Variants in NEK11 observed in about 807,000 individuals in gnomAD.
NEK11 encodes the protein NIMA related kinase 11.
NEK11 carries 72 observed loss-of-function variants against 80.7 expected under a neutral mutation model. The observed-to-expected ratio is 0.89, with a 90% CI of 0.74 to 1.08. NEK11 has a LOEUF of 1.08. Ranked by LOEUF, NEK11 falls within the 50% of genes least tolerant of loss-of-function variation. The pLI, the probability that NEK11 is intolerant of heterozygous loss-of-function variation, is 0.00. For synonymous variants in NEK11, 251 were observed against 260.7 expected, an observed-to-expected ratio of 0.96 and a Z score of 0.36; for missense variants, 764 against 763.6, an observed-to-expected ratio of 1.00 and a Z score of -0.01.
chr3:131,341,031 T>C (rs972543533), intron 17 of NEK11, among the ~76,000 whole-genome samples: 11 of 152,114 alleles, frequency 7.2e-5, no homozygotes, highest in African/African-American at 2.7e-4. Context: ...AAAGGAAACA[T>C]AGGAACTCTT....
intron 4 of NEK11, among the ~76,000 whole-genome samples, chr3:131,089,204 C>T (rs771462774): frequency 2.5e-4 from 38 of 152,154 alleles, no homozygotes; most frequent in Non-Finnish European, 3.5e-4. Flanking sequence ...CCTAGAGTCA[C>T]GAAGGATGCT....
intron 10 of NEK11, among the ~76,000 whole-genome samples, chr3:131,161,437 G>T (rs1197871948): frequency 6.6e-6 from 1 of 152,016 alleles, no homozygotes; most frequent in African/African-American, 2.4e-5. Flanking sequence ...CAACCTAAAT[G>T]CCCATCCATG....
intron 17 of NEK11, among the ~76,000 whole-genome samples, chr3:131,282,307 G>C (rs1307153626): frequency 2.0e-5 from 3 of 149,802 alleles, no homozygotes; most frequent in Non-Finnish European, 2.9e-5. Context: ...GATCAGTGTA[G>C]TGACATGCAC....
intron 17 of NEK11, among the ~76,000 whole-genome samples, chr3:131,336,500 G>A (rs1390094875): frequency 6.6e-6 from 1 of 152,086 alleles, no homozygotes; most frequent in Admixed American, 6.6e-5. Context: ...CATTAGACCT[G>A]AAACCATAAA....
chr3:131,097,015 T>G (rs1263729883), intron 4 of NEK11, among the ~76,000 whole-genome samples: 2 of 151,770 alleles, frequency 1.3e-5, no homozygotes, highest in Non-Finnish European at 2.9e-5. Context: ...GATAGTTTAC[T>G]GAGAAGATGG....
At chr3:131,343,882 G>A (rs891364641) in intron 17 of NEK11, among the ~76,000 whole-genome samples, 18 of 152,154 alleles carry the variant, frequency 1.2e-4, no homozygotes, top group African/African-American at 4.1e-4. Flanking sequence ...GTCATGGGAG[G>A]GGCTGCCATG....
At chr3:131,278,212 T>G (rs1408132453) in intron 17 of NEK11, among the ~76,000 whole-genome samples, 1 of 152,238 alleles carries the variant, frequency 6.6e-6, no homozygotes, top group Admixed American at 6.5e-5. Flanking sequence ...TTCTCACTCT[T>G]GCAGGGAGAC....
chr3:131,335,341 C>A (rs1281735549), intron 17 of NEK11, among the ~76,000 whole-genome samples: 1 of 152,166 alleles, frequency 6.6e-6, no homozygotes, highest in African/African-American at 2.4e-5. Flanking sequence ...TGTAATCCAG[C>A]ATATAAATGG....
intron 14 of NEK11, among the ~76,000 whole-genome samples, chr3:131,201,082 T>A (rs907282620): frequency 2.0e-5 from 3 of 151,984 alleles, no homozygotes; most frequent in Non-Finnish European, 4.4e-5. Context: ...CTTGTAGACA[T>A]GATATAACTA....
At chr3:131,198,882 C>T (rs1040204859) in intron 14 of NEK11, among the ~76,000 whole-genome samples, 9 of 152,244 alleles carry the variant, frequency 5.9e-5, no homozygotes, top group Middle Eastern at 6.8e-3. Flanking sequence ...CTGGCTATTT[C>T]GCCGTACCTG....
At chr3:131,348,573 A>G (rs536522544) in intron 17 of NEK11, among the ~76,000 whole-genome samples, 1 of 152,050 alleles carries the variant, frequency 6.6e-6, no homozygotes, top group African/African-American at 2.4e-5. Context: ...AAAACATGGT[A>G]TTGAAAAACA....
chr3:131,100,658 G>A (rs911812496), intron 4 of NEK11, among the ~76,000 whole-genome samples: 1 of 152,086 alleles, frequency 6.6e-6, no homozygotes, highest in African/African-American at 2.4e-5. Context: ...TTTTATTGAG[G>A]ATTTTTGCAT....
At chr3:131,341,643 C>G (rs2097288306) in intron 17 of NEK11, among the ~76,000 whole-genome samples, 1 of 152,150 alleles carries the variant, frequency 6.6e-6, no homozygotes, top group Non-Finnish European at 1.5e-5. Context: ...GACAGTTTCT[C>G]TTTGTAGTCC....
intron 5 of NEK11, among the ~76,000 whole-genome samples, chr3:131,116,407 G>C (rs2081241151): frequency 6.6e-6 from 1 of 152,124 alleles, no homozygotes; most frequent in Admixed American, 6.5e-5. Flanking sequence ...CCAAGTCTTT[G>C]TTATTGTGAA....
At chr3:131,111,198 G>A (rs941185803) in intron 5 of NEK11, among the ~76,000 whole-genome samples, 3 of 152,072 alleles carry the variant, frequency 2.0e-5, no homozygotes, top group African/African-American at 7.2e-5. Context: ...ATACCTTTAA[G>A]ACTGCTTAGT....
At chr3:131,034,493 G>A (rs918980996) in intron 3 of NEK11, among the ~76,000 whole-genome samples, 9 of 151,926 alleles carry the variant, frequency 5.9e-5, no homozygotes, top group African/African-American at 1.5e-4. Flanking sequence ...TCCGCCTCCC[G>A]GCTTCACGCC....
chr3:131,266,635 C>T (rs1337569280), intron 16 of NEK11, among the ~76,000 whole-genome samples: 1 of 152,162 alleles, frequency 6.6e-6, no homozygotes, highest in Non-Finnish European at 1.5e-5. Context: ...ATTATGTGGT[C>T]AATTTTAGAA....
At chr3:131,257,491 G>C (rs1012064396) in intron 16 of NEK11, among the ~76,000 whole-genome samples, 1 of 152,168 alleles carries the variant, frequency 6.6e-6, no homozygotes, top group East Asian at 1.9e-4. Context: ...GAGCTCCACT[G>C]TTGTAAGGAT....
intron 17 of NEK11, among the ~76,000 whole-genome samples, chr3:131,343,302 C>T (rs534814462): frequency 5.3e-5 from 8 of 152,040 alleles, no homozygotes; most frequent in African/African-American, 1.9e-4. Context: ...GTGACAGAGG[C>T]CAGGATCCAG....
Sources: allele counts gnomAD v4.1 joint callset (sites outside exome capture counted in the v4.1 genomes callset), GRCh38; gene constraint gnomAD v4.1.1; transcripts MANE v1.5; gene names NCBI Gene and HGNC (gene_info 2026-07-23, HGNC 2026-07-21).